The following LAMA2 variants were observed in gnomAD, a reference collection of about 807,000 sequenced individuals.
LAMA2 encodes the protein laminin subunit alpha 2.
Under a neutral mutation model 364.8 loss-of-function variants are expected in LAMA2, and 269 were observed. The ratio of observed to expected loss-of-function variants is 0.74; its 90% CI spans 0.67 to 0.82. LAMA2 has a LOEUF of 0.82. LAMA2 is among the 40% of genes least tolerant of loss of function. The pLI, the probability that LAMA2 is intolerant of heterozygous loss-of-function variation, is 0.00. For missense variants in LAMA2, 3,807 were observed against 3,873.2 expected (o/e 0.98, Z 0.45); for synonymous variants, 1,379 against 1,370.6 (o/e 1.01, Z -0.14).
chr6:129,464,516 T>C (rs1783439374), intron 50 of LAMA2, 64 bp downstream of exon 50: 2 of 1,309,500 alleles, frequency 1.5e-6, no homozygotes, highest in South Asian at 1.2e-5. Context: ...TTATCAGTTA[T>C]TGGTAAAATC....
chr6:129,356,575 G>A (rs1384788596), intron 32 of LAMA2, among the ~76,000 whole-genome samples: 1 of 152,016 alleles, frequency 6.6e-6, no homozygotes, highest in Non-Finnish European at 1.5e-5. Context: ...CGTGATTTGA[G>A]CATGGGTCAG....
At chr6:129,225,755 T>A (rs1784210764) in intron 12 of LAMA2, among the ~76,000 whole-genome samples, 1 of 152,180 alleles carries the variant, frequency 6.6e-6, no homozygotes, top group Non-Finnish European at 1.5e-5. Context: ...TACTTCCAAC[T>A]ATGTGGTCAA....
intron 45 of LAMA2, among the ~76,000 whole-genome samples, chr6:129,446,148 G>A (rs1282498745): frequency 2.0e-5 from 3 of 151,664 alleles, no homozygotes; most frequent in Non-Finnish European, 2.9e-5. Context: ...CCATGGATGA[G>A]AGTACCTTCC....
At chr6:129,060,819 C>T (rs1405415582) in intron 3 of LAMA2, among the ~76,000 whole-genome samples, 1 of 152,150 alleles carries the variant, frequency 6.6e-6, no homozygotes, top group Non-Finnish European at 1.5e-5. Flanking sequence ...TGCATATATT[C>T]AAGAGCCACA....
chr6:129,322,776 A>G (rs1279744441), intron 28 of LAMA2, among the ~76,000 whole-genome samples: 2 of 152,148 alleles, frequency 1.3e-5, no homozygotes, highest in African/African-American at 2.4e-5. Context: ...CATGCAACCA[A>G]CCTTCCATTC....
intron 4 of LAMA2, among the ~76,000 whole-genome samples, chr6:129,111,968 C>T (rs183910361): frequency 1.7e-3 from 254 of 151,990 alleles, no homozygotes; most frequent in African/African-American, 5.8e-3. Context: ...GAATATAAAG[C>T]GTGTATGTAT....
intron 41 of LAMA2, chr6:129,436,802 C>A (rs759971364): frequency 6.6e-6 from 1 of 151,994 alleles, no homozygotes; most frequent in South Asian, 2.1e-4. Context: ...GTGCTTTTTA[C>A]GAATTTCATA....
intron 1 of LAMA2, among the ~76,000 whole-genome samples, chr6:129,033,545 A>G (rs1786388467): frequency 6.6e-6 from 1 of 152,148 alleles, no homozygotes; most frequent in Non-Finnish European, 1.5e-5. Flanking sequence ...TTGAATTATT[A>G]ACTGCAGACA....
intron 15 of LAMA2, among the ~76,000 whole-genome samples, chr6:129,262,223 T>C (rs1479325837): frequency 6.6e-6 from 1 of 152,176 alleles, no homozygotes; most frequent in Non-Finnish European, 1.5e-5. Flanking sequence ...TGATAAATTC[T>C]GTAAATTTAC....
intron 3 of LAMA2, among the ~76,000 whole-genome samples, chr6:129,074,389 T>C (rs1319634675): frequency 6.6e-6 from 1 of 152,216 alleles, no homozygotes; most frequent in African/African-American, 2.4e-5. Context: ...ATGTTTATCT[T>C]CTTATCCTGT....
intron 58 of LAMA2, among the ~76,000 whole-genome samples, chr6:129,501,805 G>T (rs191443570): frequency 6.6e-6 from 1 of 152,340 alleles, no homozygotes; most frequent in East Asian, 1.9e-4. Flanking sequence ...GAAAGGAATT[G>T]TGGCTTTGGT....
chr6:129,010,939 T>C (rs1784733301), intron 1 of LAMA2, among the ~76,000 whole-genome samples: 1 of 152,182 alleles, frequency 6.6e-6, no homozygotes, highest in Admixed American at 6.5e-5. Flanking sequence ...ATTCGCGTGT[T>C]CACTTTTGAT....
intron 6 of LAMA2, 78 bp from the exon 7 acceptor site, chr6:129,148,901 A>C (rs1778637062): frequency 3.2e-6 from 3 of 947,226 alleles, no homozygotes; most frequent in African/African-American, 3.2e-5. Flanking sequence ...TCTTTTCTTC[A>C]TAGTACCTTT....
chr6:129,038,793 A>G (rs1341505105), intron 1 of LAMA2, among the ~76,000 whole-genome samples: 3 of 152,240 alleles, frequency 2.0e-5, no homozygotes, highest in Non-Finnish European at 4.4e-5. Flanking sequence ...GCATACCCTC[A>G]ATAGTAGACA....
intron 50 of LAMA2, among the ~76,000 whole-genome samples, chr6:129,464,793 T>C (rs1344746467): frequency 6.6e-6 from 1 of 151,936 alleles, no homozygotes. Flanking sequence ...GAAAAGGTGA[T>C]TATAAGTATT....
At chr6:129,175,146 TAC>T (rs1223631628) in intron 9 of LAMA2, among the ~76,000 whole-genome samples, 1 of 152,248 alleles carries the variant, frequency 6.6e-6, no homozygotes, top group Non-Finnish European at 1.5e-5. Flanking sequence ...ATATTTATTT[TAC>T]CAGAGTATGT....
intron 1 of LAMA2, among the ~76,000 whole-genome samples, chr6:129,006,494 CCCATTCACCCATTTATCCACA>C (rs1369091689): frequency 3.3e-5 from 5 of 152,146 alleles, no homozygotes; most frequent in African/African-American, 9.7e-5. Context: ...TGAAGGGTGT[CCCATTCACCCATTTATCCACA>C]CCATGAGCCA....
chr6:129,185,020 T>A (rs370282489), intron 10 of LAMA2, among the ~76,000 whole-genome samples: 1 of 152,022 alleles, frequency 6.6e-6, no homozygotes, highest in East Asian at 1.9e-4. Context: ...AATACTAGGA[T>A]GCATTAGTCT....
chr6:129,231,824 G>T (rs893164384), intron 12 of LAMA2, among the ~76,000 whole-genome samples: 1 of 151,952 alleles, frequency 6.6e-6, no homozygotes, highest in African/African-American at 2.4e-5. Flanking sequence ...ATCATTTAGT[G>T]CATCTTAGAC....
Sources: gnomAD v4.1 joint callset for allele counts (sites outside exome capture counted in the v4.1 genomes callset) on GRCh38, gnomAD v4.1.1 for gene constraint, MANE v1.5 for transcripts, NCBI Gene and HGNC (gene_info 2026-07-23, HGNC 2026-07-21) for gene names.